The following CSMD1 variants were observed in gnomAD, a reference collection of about 807,000 sequenced individuals.
CSMD1 encodes the protein CUB and Sushi multiple domains 1, also known as CUB and sushi domain-containing protein 1.
A neutral mutation model predicts 417.5 loss-of-function variants in CSMD1; 213 were observed. The ratio of observed to expected loss-of-function variants is 0.51; its 90% CI spans 0.46 to 0.57. The LOEUF (loss-of-function observed/expected upper bound fraction) is 0.57, where lower values mean the gene tolerates loss of function less well. Ranked by LOEUF, CSMD1 falls within the 20% of genes least tolerant of loss-of-function variation. The pLI is 0.00. For missense variants in CSMD1, 6,923 were observed against 4,529.7 expected (o/e 1.53, Z -15.17); for synonymous variants, 2,862 against 1,736.8 (o/e 1.65, Z -16.11).
intron 3 of CSMD1, among the ~76,000 whole-genome samples, chr8:4,259,967 T>G (rs1189611967): frequency 6.6e-6 from 1 of 152,208 alleles, no homozygotes; most frequent in East Asian, 1.9e-4. Flanking sequence ...GTTTCTAGTT[T>G]TTCACTATTG....
At chr8:4,797,008 A>T (rs1272160147) in intron 1 of CSMD1, among the ~76,000 whole-genome samples, 1 of 152,174 alleles carries the variant, frequency 6.6e-6, no homozygotes, top group Non-Finnish European at 1.5e-5. Context: ...GGTACATCTT[A>T]TTCCATAAAG....
intron 5 of CSMD1, among the ~76,000 whole-genome samples, chr8:3,874,755 G>T (rs561045033): frequency 2.0e-5 from 3 of 152,260 alleles, no homozygotes; most frequent in East Asian, 3.9e-4. Context: ...AACATACCAT[G>T]TCTGTGACGG....
At chr8:4,396,569 A>G (rs776674411) in intron 3 of CSMD1, among the ~76,000 whole-genome samples, 2 of 152,084 alleles carry the variant, frequency 1.3e-5, no homozygotes, top group Non-Finnish European at 1.5e-5. Flanking sequence ...CGCAACTGCA[A>G]CCAGCCTAAA....
At chr8:4,852,077 T>C (rs577344763) in intron 1 of CSMD1, among the ~76,000 whole-genome samples, 2 of 152,320 alleles carry the variant, frequency 1.3e-5, no homozygotes, top group East Asian at 3.9e-4. Flanking sequence ...TACATCAGAT[T>C]CCCTCTCTCT....
chr8:4,370,130 C>A (rs142763311), intron 3 of CSMD1, among the ~76,000 whole-genome samples: 2 of 152,206 alleles, frequency 1.3e-5, no homozygotes, highest in East Asian at 3.9e-4. Flanking sequence ...TCTGGTAAGG[C>A]AGGTCGAGTT....
intron 3 of CSMD1, among the ~76,000 whole-genome samples, chr8:4,053,384 G>C (rs773044922): frequency 1.3e-5 from 2 of 151,154 alleles, no homozygotes; most frequent in South Asian, 2.1e-4. Flanking sequence ...CAGTGTGTGC[G>C]CTGACTGCCT....
At chr8:3,628,787 C>G (rs1185894215) in intron 7 of CSMD1, among the ~76,000 whole-genome samples, 1 of 152,160 alleles carries the variant, frequency 6.6e-6, no homozygotes, top group East Asian at 1.9e-4. Context: ...TTAGTGGCTT[C>G]CTAGTTTTGG....
At chr8:3,108,828 A>C in intron 43 of CSMD1, 80 bp from the exon 44 acceptor site, 1 of 1,372,118 alleles carries the variant, frequency 7.3e-7, no homozygotes, top group Non-Finnish European at 9.9e-7. Flanking sequence ...CTAATGAATT[A>C]ATTTTTTTAA....
chr8:4,030,535 G>A lies in CSMD1; in HGVS notation c.610+1370C>T, dbSNP rs117956525. ...GCACCAAGTCTCTAGGCTGTACACA[G>A]CATGGGGACCCTTGGCCCGGCCCTC... On this transcript the variant is annotated intron_variant, in intron 4 of 69. Transcript: ENST00000635120. Among the ~76,000 whole-genome samples the A allele has an allele frequency of 3.9e-3, 593 of 152,264 alleles. 4 individuals are homozygous for A. The highest frequency in any genetic ancestry group is 7.1e-3 in the Non-Finnish European group (486 of 68,014).
intron 3 of CSMD1, among the ~76,000 whole-genome samples, chr8:4,336,481 A>T (rs780092418): frequency 2.0e-5 from 3 of 151,738 alleles, no homozygotes; most frequent in African/African-American, 4.8e-5. Context: ...GCCTTCAGAC[A>T]CGGAAACACA....
At chr8:2,989,916 G>A (rs917159566) in intron 54 of CSMD1, among the ~76,000 whole-genome samples, 3 of 152,148 alleles carry the variant, frequency 2.0e-5, no homozygotes, top group East Asian at 1.9e-4. Flanking sequence ...TTAAAGACAC[G>A]AATAATTGTA....
intron 50 of CSMD1, among the ~76,000 whole-genome samples, chr8:3,040,262 A>G (rs1170029234): frequency 6.6e-6 from 1 of 151,942 alleles, no homozygotes; most frequent in Non-Finnish European, 1.5e-5. Context: ...CCCATCAAAA[A>G]TATTAACTTC....
At chr8:4,333,386 A>G (rs534296802) in intron 3 of CSMD1, among the ~76,000 whole-genome samples, 2 of 152,132 alleles carry the variant, frequency 1.3e-5, no homozygotes, top group Non-Finnish European at 2.9e-5. Flanking sequence ...GGGACGGCTG[A>G]CAGGGGTTGA....
chr8:3,228,341 C>T, intron 27 of CSMD1, among the ~76,000 whole-genome samples: 1 of 152,192 alleles, frequency 6.6e-6, no homozygotes, highest in East Asian at 1.9e-4. Flanking sequence ...TTACAGAGGA[C>T]ATAAACCTCA....
chr8:3,181,088 A>G (rs1456820168), intron 37 of CSMD1, 22 bp downstream of exon 37: 2 of 1,491,514 alleles, frequency 1.3e-6, no homozygotes, highest in Non-Finnish European at 1.9e-6. Flanking sequence ...TGGAAGCTGT[A>G]TACAGAAAGA....
intron 7 of CSMD1, among the ~76,000 whole-genome samples, chr8:3,685,186 C>A (rs1473746246): frequency 6.6e-6 from 1 of 152,110 alleles, no homozygotes; most frequent in Non-Finnish European, 1.5e-5. Context: ...AAAATCAAAT[C>A]CAAAGTTGCA....
At chr8:3,876,463 G>C (rs990350330) in intron 5 of CSMD1, among the ~76,000 whole-genome samples, 3 of 152,176 alleles carry the variant, frequency 2.0e-5, no homozygotes, top group Non-Finnish European at 2.9e-5. Context: ...TCTCTTGTTG[G>C]AGAGTCCTAA....
At chr8:3,336,062 T>A (rs1658864368) in intron 23 of CSMD1, among the ~76,000 whole-genome samples, 1 of 152,148 alleles carries the variant, frequency 6.6e-6, no homozygotes, top group African/African-American at 2.4e-5. Context: ...ACAAAGTGCT[T>A]TGAGTAACTG....
chr8:3,325,208 C>G (rs1806446628), intron 23 of CSMD1, among the ~76,000 whole-genome samples: 1 of 152,184 alleles, frequency 6.6e-6, no homozygotes, highest in Non-Finnish European at 1.5e-5. Context: ...TCCAGGTCTC[C>G]AGGCTGTTTA....
Sources: gnomAD v4.1 joint callset for allele counts (sites outside exome capture counted in the v4.1 genomes callset) on GRCh38, gnomAD v4.1.1 for gene constraint, MANE v1.5 for transcripts, NCBI Gene and HGNC (gene_info 2026-07-23, HGNC 2026-07-21) for gene names.